NUDT21: variants seen among roughly 807,000 people sequenced by gnomAD.
NUDT21 encodes the protein cleavage and polyadenylation specificity factor subunit 5.
A neutral mutation model predicts 29.8 loss-of-function variants in NUDT21; 5 were observed. The ratio of observed to expected loss-of-function variants is 0.17; its 90% CI spans 0.09 to 0.35. The LOEUF is 0.35. NUDT21 is among the 10% of genes least tolerant of loss of function. The probability of loss-of-function intolerance (pLI) is 1.00; values close to 1 mark genes in which losing one functional copy is unlikely to be tolerated. For synonymous variants in NUDT21, 113 were observed against 98.5 expected, an observed-to-expected ratio of 1.15 and a Z score of -0.87; for missense variants, 76 against 276.0, an observed-to-expected ratio of 0.28 and a Z score of 5.13.
At position 56,429,679 on chromosome 16, in the gene NUDT21, C is replaced by A. The variant is rs1962011473; in HGVS notation, c.*3033G>T. On this transcript the variant is annotated 3_prime_UTR_variant, in exon 7 of 7. Coordinates refer to ENST00000300291, the MANE Select transcript of NUDT21 (RefSeq NM_007006.3). ...ACAAGTGAAGTAAGTATGGGAAAAT[C>A]AAATCTTATGCTACAGAAAGCTGAC... The A allele has an allele frequency of 6.6e-6, 1 of 152,152 alleles. No individual in the cohort carries two copies. Among genetic ancestry groups the A allele is most frequent in the Non-Finnish European group, 1.5e-5 (1 of 68,026 alleles). 9.4% of individuals were successfully genotyped at this position (152,152 alleles called of 1,614,324 possible). A position where few individuals can be genotyped will look rare whatever the true frequency, so the allele number is the denominator to read the frequency against.
chr16:56,450,937 TGA>T, intron 1 of NUDT21, 148 bp downstream of exon 1: 1 of 633,340 alleles, frequency 1.6e-6, no homozygotes, highest in Admixed American at 2.7e-5. Flanking sequence ...GAAAGGGGCC[TGA>T]GAGAGGGAGG....
At chr16:56,443,890 C>A (rs1407961666) in intron 3 of NUDT21, among the ~76,000 whole-genome samples, 1 of 152,194 alleles carries the variant, frequency 6.6e-6, no homozygotes, top group African/African-American at 2.4e-5. Context: ...TCTGTTATAG[C>A]AACATTAAAC....
chr16:56,443,179 TTTC>T (rs1457737859), intron 3 of NUDT21, among the ~76,000 whole-genome samples: 3 of 152,084 alleles, frequency 2.0e-5, no homozygotes, highest in Non-Finnish European at 4.4e-5. Context: ...AATATTTTTT[TTTC>T]TTTTTTTTTT....
At chr16:56,439,318 T>C (rs543190952) in intron 4 of NUDT21, 89 of 243,904 alleles carry the variant, frequency 3.6e-4, no homozygotes, top group South Asian at 3.0e-3. Context: ...ATTACAGGCT[T>C]GTACCATCAA....
chr16:56,445,451 T>G (rs1012851123), intron 3 of NUDT21, among the ~76,000 whole-genome samples: 2 of 152,254 alleles, frequency 1.3e-5, no homozygotes, highest in African/African-American at 2.4e-5. Context: ...CTTTTAGTTA[T>G]TTTTAAATTT....
chr16:56,432,396 TG>T lies in NUDT21; in HGVS notation c.*315del, dbSNP rs1567537115. On this transcript the variant is annotated 3_prime_UTR_variant, in exon 7 of 7. Coordinates refer to ENST00000300291, the MANE Select transcript of NUDT21 (RefSeq NM_007006.3). ...TGTTGCAACATTCACCATCCTAAGG[TG>T]GGGGGAAAAATGATCCTCACCTATA... is the stretch of plus-strand genomic sequence containing the variant. The T allele has an allele frequency of 4.3e-6, 1 of 232,358 alleles. No homozygotes were observed. Among genetic ancestry groups the T allele is most frequent in the Non-Finnish European group, 8.3e-6 (1 of 119,932 alleles). The allele number at this position is 232,358 out of a possible 1,614,324, so 14.4% of individuals were successfully genotyped here.
chr16:56,447,736 A>C, intron 2 of NUDT21, 53 bp downstream of exon 2: 1 of 1,519,906 alleles, frequency 6.6e-7, no homozygotes, highest in Non-Finnish European at 9.1e-7. Flanking sequence ...AGAGCTGCAT[A>C]AACAGCAATC....
At position 56,451,271 on chromosome 16, in the gene NUDT21, G is replaced by A; in HGVS notation, c.-69C>T. On this transcript the variant is annotated 5_prime_UTR_variant, in exon 1 of 7. Coordinates refer to ENST00000300291, the MANE Select transcript of NUDT21 (RefSeq NM_007006.3). ...AGGGTAGACTTTCCCCGTGCGGGAA[G>A]CGGTTATCTGCAATCCCCTCAGCGG... 1.7e-6 allele frequency: 2 copies of A among 1,192,520 alleles called. No homozygotes were observed. The highest frequency in any genetic ancestry group is 2.4e-6 in the Non-Finnish European group (2 of 836,738). 73.9% of individuals were successfully genotyped at this position (1,192,520 alleles called of 1,614,324 possible).
intron 4 of NUDT21, 112 bp from the exon 5 acceptor site, chr16:56,434,941 C>T: frequency 1.5e-6 from 1 of 660,636 alleles, no homozygotes; most frequent in Non-Finnish European, 2.6e-6. Flanking sequence ...ACTTTCTGTC[C>T]TCTTTACCAG....
Position 56,451,323 on chromosome 16 carries a change from G to T in NUDT21, c.-121C>A, listed in dbSNP as rs983528607. The T allele has an allele frequency of 1.2e-5, 10 of 824,348 alleles. No homozygotes were observed. The highest frequency in any genetic ancestry group is 6.7e-5 in the South Asian group (4 of 59,594). 51.1% of individuals were successfully genotyped at this position (824,348 alleles called of 1,614,324 possible). On this transcript the variant is annotated 5_prime_UTR_variant, in exon 1 of 7. Coordinates refer to ENST00000300291, the MANE Select transcript of NUDT21 (RefSeq NM_007006.3). ...TACTGCCCGCCATTAACAGGACAGC[G>T]CAAGAGGAGGCGTAGGCACGCCGGA...
chr16:56,438,899 CTATATA>C (rs1218982753), intron 4 of NUDT21, among the ~76,000 whole-genome samples: 8 of 152,186 alleles, frequency 5.3e-5, no homozygotes, highest in African/African-American at 1.9e-4. Context: ...CGAACAGTGA[CTATATA>C]TTTGACAATA....
At chr16:56,444,600 CAAAAAAAAAAAAACAAAAACAA>C (rs1398168187) in intron 3 of NUDT21, among the ~76,000 whole-genome samples, 8 of 39,024 alleles carry the variant, frequency 2.1e-4, no homozygotes, top group Admixed American at 7.7e-4. Flanking sequence ...AACTCCGCCT[CAAAAAAAAAAAAACAAAAACAA>C]AAAAAAAAAA....
intron 3 of NUDT21, among the ~76,000 whole-genome samples, chr16:56,445,416 G>C (rs1189029217): frequency 6.6e-6 from 1 of 152,126 alleles, no homozygotes; most frequent in African/African-American, 2.4e-5. Context: ...TTTATCCTTT[G>C]TGCTACAAAC....
rs117697541 is a variant in NUDT21 at position 56,436,812 on chromosome 16, T to C, written c.472-1983A>G. ...TCCTTTTCCACTGACATCTAACTAA[T>C]ACTCTAGGCTTCCTAAATAAATCAA... On this transcript the variant is annotated intron_variant, in intron 4 of 6. Coordinates refer to ENST00000300291, the MANE Select transcript of NUDT21 (RefSeq NM_007006.3). 3.2e-3 allele frequency among the ~76,000 whole-genome samples: 482 copies of C among 151,686 alleles called. 13 individuals carry two copies. In the South Asian group the frequency reaches 0.056, roughly 18 times the overall value.
chr16:56,433,273 G>A (rs760024579), intron 6 of NUDT21, among the ~76,000 whole-genome samples: 2 of 152,192 alleles, frequency 1.3e-5, no homozygotes, highest in Non-Finnish European at 2.9e-5. Context: ...TACTGGCACT[G>A]TTGTAAGCAT....
chr16:56,444,755 T>C (rs557829683), intron 3 of NUDT21, among the ~76,000 whole-genome samples: 1 of 152,322 alleles, frequency 6.6e-6, no homozygotes, highest in South Asian at 2.1e-4. Context: ...GTTCTCTGAT[T>C]CAATTACTAC....
intron 3 of NUDT21, 75 bp downstream of exon 3, chr16:56,446,551 A>T (rs751508828): frequency 5.2e-6 from 4 of 769,812 alleles, no homozygotes; most frequent in Admixed American, 2.5e-5. Flanking sequence ...CAAAATAAGC[A>T]TCCTTTTTAC....
chr16:56,433,854 T>C (rs913993352), intron 6 of NUDT21, among the ~76,000 whole-genome samples: 1 of 152,058 alleles, frequency 6.6e-6, no homozygotes, highest in African/African-American at 2.4e-5. Context: ...GCCTCACTAA[T>C]TTTTGTATTT....
At chr16:56,444,147 A>G (rs1962190024) in intron 3 of NUDT21, among the ~76,000 whole-genome samples, 1 of 152,160 alleles carries the variant, frequency 6.6e-6, no homozygotes, top group Admixed American at 6.5e-5. Flanking sequence ...GCCAGGCATC[A>G]TGGGCACATA....
Sources: gnomAD v4.1 joint callset for allele counts (sites outside exome capture counted in the v4.1 genomes callset) on GRCh38, gnomAD v4.1.1 for gene constraint, MANE v1.5 for transcripts, NCBI Gene and HGNC (gene_info 2026-07-23, HGNC 2026-07-21) for gene names.